FAM120B: variants seen among roughly 807,000 people sequenced by gnomAD.
The protein encoded by FAM120B is family with sequence similarity 120 member B.
In FAM120B, 83 loss-of-function variants were observed where a neutral mutation model predicts 96.3. The observed-to-expected ratio is 0.86, with a 90% CI of 0.72 to 1.03. FAM120B has a LOEUF of 1.03. Among genes scored for constraint, FAM120B ranks in the 50% least tolerant of loss-of-function variants. The pLI is 0.00. For missense variants in FAM120B, 1,027 were observed against 1,121.2 expected (o/e 0.92, Z 1.20); for synonymous variants, 407 against 402.7 (o/e 1.01, Z -0.13).
At chr6:170,310,390 C>T (rs1368188254) in intron 1 of FAM120B, among the ~76,000 whole-genome samples, 1 of 152,220 alleles carries the variant, frequency 6.6e-6, no homozygotes, top group Non-Finnish European at 1.5e-5. Context: ...AAGGAAACAT[C>T]CCACAGGGTG....
intron 1 of FAM120B, among the ~76,000 whole-genome samples, chr6:170,310,110 T>G (rs1320472263): frequency 1.3e-5 from 2 of 152,204 alleles, no homozygotes; most frequent in Non-Finnish European, 2.9e-5. Flanking sequence ...TTCTCTACTA[T>G]GGGTTTAGGA....
At chr6:170,311,373 T>TTTTCCCCATTTCTACACTTGATGAACAAA (rs1784579640) in intron 1 of FAM120B, among the ~76,000 whole-genome samples, 1 of 152,212 alleles carries the variant, frequency 6.6e-6, no homozygotes, top group Admixed American at 6.5e-5. Flanking sequence ...GGTGAGTTTT[T>TTTTCCCCATTTCTACACTTGATGAACAAA]TTTCCCCATT....
chr6:170,346,499 C>T (rs1176158357), intron 4 of FAM120B, among the ~76,000 whole-genome samples: 1 of 152,016 alleles, frequency 6.6e-6, no homozygotes, highest in African/African-American at 2.4e-5. Context: ...ACCTTAGATC[C>T]GAGACTAGTA....
At chr6:170,313,836 G>A (rs902761765) in intron 1 of FAM120B, among the ~76,000 whole-genome samples, 3 of 152,204 alleles carry the variant, frequency 2.0e-5, no homozygotes, top group Non-Finnish European at 4.4e-5. Flanking sequence ...CTGGGGGTCT[G>A]TTAAGGTGGT....
intron 4 of FAM120B, among the ~76,000 whole-genome samples, chr6:170,335,693 T>C (rs1318871112): frequency 6.6e-6 from 1 of 152,240 alleles, no homozygotes; most frequent in Non-Finnish European, 1.5e-5. Context: ...CATTCCTATT[T>C]CACCACATCC....
Position 170,388,488 on chromosome 6 carries a change from C to A in FAM120B, c.2485C>A (p.Gln829Lys). 6.2e-7 allele frequency: 1 copy of A among 1,613,868 alleles called. No homozygotes were observed. Among genetic ancestry groups the A allele is most frequent in the Non-Finnish European group, 8.5e-7 (1 of 1,179,780 alleles). ...KGYAVEVLLE[Q>K]NRSRLTKFHN... Reference sequence around the variant, plus strand: ...TTATGCTGTGGAGGTTCTTTTAGAACAAAATGTGAGTTCACAGACACCTAC... The same window carrying A: ...TTATGCTGTGGAGGTTCTTTTAGAAAAAAATGTGAGTTCACAGACACCTAC... Residue 829 changes from glutamine (Q) to lysine (K), a missense_variant, in exon 7 of 11, where the codon CAA (glutamine) becomes AAA (lysine). Around this residue, in one of 3 missense-constraint regions of FAM120B, gnomAD observed 142 missense variants for 122.5 expected, o/e 1.16. Transcript: ENST00000476287.
intron 1 of FAM120B, among the ~76,000 whole-genome samples, chr6:170,312,567 T>C (rs111928393): frequency 5.3e-5 from 8 of 152,296 alleles, no homozygotes; most frequent in African/African-American, 1.9e-4. Flanking sequence ...TACCCATTAT[T>C]CTCCCACTTC....
intron 6 of FAM120B, among the ~76,000 whole-genome samples, chr6:170,367,204 T>G (rs2115232191): frequency 6.6e-6 from 1 of 152,328 alleles, no homozygotes; most frequent in Non-Finnish European, 1.5e-5. Context: ...TAATGAAACT[T>G]TAAATGATAA....
intron 1 of FAM120B, among the ~76,000 whole-genome samples, chr6:170,296,926 G>A (rs2114975917): frequency 6.6e-6 from 1 of 152,362 alleles, no homozygotes; most frequent in South Asian, 2.1e-4. Context: ...AAGGCGCTGA[G>A]AGGGGCGATG....
Position 170,318,558 on chromosome 6 carries a change from C to G in FAM120B, c.1168C>G (p.Pro390Ala). Residue 390 changes from proline to alanine, a missense_variant, in exon 2 of 11, where the codon CCC becomes GCC. Pro to Ala is a conservative substitution (Grantham distance 27). This residue lies in a region of FAM120B where 880 missense variants were observed against 980.9 expected (regional missense o/e 0.90). Coordinates refer to ENST00000476287, the MANE Select transcript of FAM120B (RefSeq NM_032448.3). ...CSDPEPRQEV[P>A]TCTGPESRRE... The stretch of plus-strand genomic sequence containing the variant: ...AGACCCTGAACCCAGGCAAGAAGTT[C>G]CCACGTGTACAGGCCCTGAATCCAG... 6.8e-7 allele frequency: 1 copy of G among 1,471,478 alleles called. No homozygotes were observed. The highest frequency in any genetic ancestry group is 2.5e-5 in the East Asian group (1 of 39,476). The allele number at this position is 1,471,478 out of a possible 1,614,324, so 91.2% of individuals were successfully genotyped here.
At chr6:170,400,385 C>G (rs1014763551) in intron 9 of FAM120B, among the ~76,000 whole-genome samples, 9 of 152,144 alleles carry the variant, frequency 5.9e-5, no homozygotes, top group Non-Finnish European at 1.0e-4. Flanking sequence ...GGAGTGGGAC[C>G]TGTTTGGTAC....
chr6:170,349,611 A>C (rs1787443002), intron 5 of FAM120B, among the ~76,000 whole-genome samples: 1 of 152,256 alleles, frequency 6.6e-6, no homozygotes, highest in African/African-American at 2.4e-5. Flanking sequence ...TTGCATTACC[A>C]TTTTGAGTAG....
chr6:170,291,782 G>A (rs556396854), upstream of FAM120B, among the ~76,000 whole-genome samples: 562 of 152,158 alleles, frequency 3.7e-3, 4 homozygotes, highest in Middle Eastern at 6.8e-3. Flanking sequence ...ACTGGGAGTA[G>A]GGGCCCGGGG....
intron 4 of FAM120B, among the ~76,000 whole-genome samples, chr6:170,342,871 A>G (rs183558098): frequency 3.3e-4 from 50 of 152,280 alleles, no homozygotes; most frequent in African/African-American, 1.2e-3. Context: ...CATGAGGGCC[A>G]CCTTCGATCT....
intron 5 of FAM120B, among the ~76,000 whole-genome samples, chr6:170,353,336 C>T (rs1478557339): frequency 6.6e-6 from 1 of 152,162 alleles, no homozygotes; most frequent in Non-Finnish European, 1.5e-5. Flanking sequence ...GAAGAGCTGG[C>T]ACCATTTCTA....
intron 4 of FAM120B, among the ~76,000 whole-genome samples, chr6:170,341,260 G>T (rs548097727): frequency 2.1e-4 from 32 of 152,342 alleles, no homozygotes; most frequent in Admixed American, 7.8e-4. Context: ...ACTGTGGTGA[G>T]TTCCGCCCAG....
At chr6:170,361,030 G>A (rs904707675) in intron 6 of FAM120B, among the ~76,000 whole-genome samples, 1 of 151,900 alleles carries the variant, frequency 6.6e-6, no homozygotes, top group Admixed American at 6.6e-5. Context: ...AGCTAATTGA[G>A]CCACAGAGGT....
chr6:170,322,827 G>A (rs1583198744), intron 2 of FAM120B, among the ~76,000 whole-genome samples: 1 of 152,082 alleles, frequency 6.6e-6, no homozygotes, highest in Non-Finnish European at 1.5e-5. Flanking sequence ...CAAGGAGACA[G>A]AACAGTGAGA....
chr6:170,368,870 C>G (rs2115240506), intron 6 of FAM120B, among the ~76,000 whole-genome samples: 1 of 151,732 alleles, frequency 6.6e-6, no homozygotes, highest in South Asian at 2.1e-4. Flanking sequence ...CTCACTATGT[C>G]CTCATAGGTT....
Sources: gnomAD v4.1 joint callset for allele counts (sites outside exome capture counted in the v4.1 genomes callset) on GRCh38, gnomAD v4.1.1 for gene constraint, gnomAD v4.1.1 regional missense constraint, MANE v1.5 for transcripts, NCBI Gene and HGNC (gene_info 2026-07-23, HGNC 2026-07-21) for gene names.